The following COL22A1 variants were observed in gnomAD, a reference collection of about 807,000 sequenced individuals.
COL22A1 encodes collagen type XXII alpha 1 chain.
Under a neutral mutation model 248.9 loss-of-function variants are expected in COL22A1, and 221 were observed. The ratio of observed to expected loss-of-function variants is 0.89; its 90% CI spans 0.80 to 0.99. The LOEUF (loss-of-function observed/expected upper bound fraction) is 0.99. Among genes scored for constraint, COL22A1 ranks in the 50% least tolerant of loss-of-function variants. The pLI, the probability that COL22A1 is intolerant of heterozygous loss-of-function variation, is 0.00. For synonymous variants in COL22A1, 891 were observed against 793.4 expected, an observed-to-expected ratio of 1.12 and a Z score of -2.07; for missense variants, 2,240 against 2,179.0, an observed-to-expected ratio of 1.03 and a Z score of -0.56.
chr8:138,592,438 G>T (rs773590895), intron 63 of COL22A1, among the ~76,000 whole-genome samples: 2 of 152,078 alleles, frequency 1.3e-5, no homozygotes, highest in African/African-American at 4.8e-5. Flanking sequence ...ATCGTGTTTG[G>T]TCAGTATTCT....
chr8:138,606,244 C>A, intron 58 of COL22A1, 137 bp downstream of exon 58: 1 of 756,410 alleles, frequency 1.3e-6, no homozygotes, highest in Non-Finnish European at 2.2e-6. Flanking sequence ...AACCATGATG[C>A]AACTTTGACC....
At position 138,663,012 on chromosome 8, in the gene COL22A1, T is replaced by TCTCACACACACACACACACACA. The variant is rs1554737802; in HGVS notation, c.3186+692_3186+693insTGTGTGTGTGTGTGTGTGTGAG. Among the ~76,000 whole-genome samples the TCTCACACACACACACACACACA allele has an allele frequency of 4.8e-4, 68 of 140,874 alleles. 1 individual carries two copies. The highest frequency in any genetic ancestry group is 1.3e-3 in the African/African-American group (52 of 38,776). 92.4% of individuals were successfully genotyped at this position (140,874 alleles called of 152,430 possible). On this transcript the variant is annotated intron_variant, in intron 42 of 64. Coordinates refer to ENST00000303045, the MANE Select transcript of COL22A1 (RefSeq NM_152888.3). ...GCCTGGTTGACAGAGCAGGACTCTG[T>TCTCACACACACACACACACACA]CACTCACACACACACACACACACAA...
chr8:138,685,412 G>T, intron 37 of COL22A1, 100 bp from the exon 38 acceptor site: 1 of 915,112 alleles, frequency 1.1e-6, no homozygotes, highest in Non-Finnish European at 1.7e-6. Flanking sequence ...TCCTGGGGCT[G>T]CCTTTATGAT....
intron 33 of COL22A1, 27 bp downstream of exon 33, chr8:138,694,799 C>A (rs137966383): frequency 3.1e-6 from 5 of 1,611,704 alleles, no homozygotes; most frequent in East Asian, 2.2e-5. Flanking sequence ...ACCAGCCCTG[C>A]GGGGGAAGGG....
At chr8:138,811,020 C>T (rs1265306928) in intron 9 of COL22A1, among the ~76,000 whole-genome samples, 2 of 152,156 alleles carry the variant, frequency 1.3e-5, no homozygotes, top group African/African-American at 4.8e-5. Flanking sequence ...AGACACTTTC[C>T]CCAGCACAGT....
At chr8:138,833,558 A>G (rs966695453) in intron 4 of COL22A1, among the ~76,000 whole-genome samples, 1 of 152,206 alleles carries the variant, frequency 6.6e-6, no homozygotes, top group Non-Finnish European at 1.5e-5. Flanking sequence ...CTGCAGCCGT[A>G]TGTTTGCCTT....
At chr8:138,622,322 A>G (rs1819872471) in intron 52 of COL22A1, among the ~76,000 whole-genome samples, 1 of 152,222 alleles carries the variant, frequency 6.6e-6, no homozygotes, top group Non-Finnish European at 1.5e-5. Context: ...ATTTCAAAAG[A>G]AACTGAAGCT....
rs79818481 is a variant in COL22A1 at position 138,610,855 on chromosome 8, G to A, written c.3979-2866C>T. Among the ~76,000 whole-genome samples, 945 of 152,278 alleles carry A rather than the reference G, an allele frequency of 6.2e-3. 12 individuals carry two copies. Among genetic ancestry groups the A allele is most frequent in the African/African-American group, 0.022 (910 of 41,554 alleles). On this transcript the variant is annotated intron_variant, in intron 56 of 64. Coordinates refer to ENST00000303045, the MANE Select transcript of COL22A1 (RefSeq NM_152888.3). Reference sequence around the variant, plus strand: ...GAGATGGGAGGACTGCCTGAGCCCAGGAATCTGAGACCAACTTGGACAACA... The same window carrying A: ...GAGATGGGAGGACTGCCTGAGCCCAAGAATCTGAGACCAACTTGGACAACA...
In COL22A1 at chr8:138,878,307, C is replaced by T. The variant is rs1212728913; in HGVS notation, c.101G>A (p.Ser34Asn). Reference protein sequence around the residue: ...GCQAQRAGCKSVHYDLVFLLD... With the variant: ...GCQAQRAGCKNVHYDLVFLLD... ...GAGGAAGACCAGATCGTAGTGGACACTTTTGCAACCTGCAGGGGTGAGAGA... is the reference window on the plus strand; with the variant it reads ...GAGGAAGACCAGATCGTAGTGGACATTTTTGCAACCTGCAGGGGTGAGAGA... Residue 34 changes from serine (S) to asparagine (N), a missense_variant, in exon 3 of 65, where the codon AGT becomes AAT. Ser to Asn is a conservative substitution (Grantham distance 46). Transcript: ENST00000303045. The T allele has an allele frequency of 5.8e-6, 9 of 1,544,266 alleles. No homozygotes were observed. Among genetic ancestry groups the T allele is most frequent in the Non-Finnish European group, 7.9e-6 (9 of 1,142,724 alleles).
intron 50 of COL22A1, among the ~76,000 whole-genome samples, chr8:138,628,484 C>T (rs1411788214): frequency 6.6e-6 from 1 of 152,070 alleles, no homozygotes; most frequent in Non-Finnish European, 1.5e-5. Context: ...TGCAGTGAGC[C>T]AAGATCGTGC....
intron 3 of COL22A1, among the ~76,000 whole-genome samples, chr8:138,854,198 A>C (rs1821844492): frequency 6.6e-6 from 1 of 152,130 alleles, no homozygotes; most frequent in African/African-American, 2.4e-5. Context: ...GGTTATGATC[A>C]TTAGGCTGAT....
Position 138,596,777 on chromosome 8 carries a change from T to G in COL22A1, c.4432+127A>C, listed in dbSNP as rs139527051. The G allele has an allele frequency of 2.0e-5, 16 of 795,828 alleles. No homozygotes were observed. The South Asian group carries it at 2.1e-4, about 10-fold the overall frequency. The allele number at this position is 795,828 out of a possible 1,614,324, so 49.3% of individuals were successfully genotyped here. On this transcript the variant is annotated intron_variant, in intron 62 of 64. Transcript: ENST00000303045. ...TCTTCAGGGCATTCCCCAACCCTGA[T>G]AGTCTACACTTGAGCTGCCGGTCAA...
At chr8:138,693,500 T>G in intron 35 of COL22A1, 146 bp downstream of exon 35, 1 of 760,730 alleles carries the variant, frequency 1.3e-6, no homozygotes, top group South Asian at 1.6e-5. Flanking sequence ...CCGTGCTGAC[T>G]CCCACCAACC....
intron 5 of COL22A1, chr8:138,828,126 T>TCCCTGC (rs3074101): frequency 0.55 from 83,659 of 151,316 alleles, 23,615 homozygotes; most frequent in East Asian, 0.67. Flanking sequence ...AGCACCCAAG[T>TCCCTGC]AGCACGGCAG....
chr8:138,600,918 C>T (rs1037155341), intron 60 of COL22A1, among the ~76,000 whole-genome samples: 1 of 152,200 alleles, frequency 6.6e-6, no homozygotes, highest in African/African-American at 2.4e-5. Context: ...CATTAAATAT[C>T]TCACAATCAC....
intron 3 of COL22A1, among the ~76,000 whole-genome samples, chr8:138,870,933 G>A (rs1823291897): frequency 6.6e-6 from 1 of 151,838 alleles, no homozygotes; most frequent in Admixed American, 6.6e-5. Flanking sequence ...GTGTTTGTGT[G>A]TGTGGGTGTG....
intron 22 of COL22A1, among the ~76,000 whole-genome samples, chr8:138,743,968 C>T (rs1489898406): frequency 6.6e-6 from 1 of 152,128 alleles, no homozygotes; most frequent in Non-Finnish European, 1.5e-5. Flanking sequence ...CTAATATGTG[C>T]CGTATGGTCT....
chr8:138,865,725 G>C (rs368062839), intron 3 of COL22A1, among the ~76,000 whole-genome samples: 64 of 151,526 alleles, frequency 4.2e-4, no homozygotes, highest in African/African-American at 1.4e-3. Flanking sequence ...GTGTATGTGT[G>C]TGTGTGTTTG....
chr8:138,635,900 G>C (rs1014259697), intron 48 of COL22A1, among the ~76,000 whole-genome samples: 2 of 152,176 alleles, frequency 1.3e-5, no homozygotes, highest in African/African-American at 4.8e-5. Context: ...TGGGTTACTC[G>C]TTCATGTCCC....
Sources: allele counts gnomAD v4.1 joint callset (sites outside exome capture counted in the v4.1 genomes callset), GRCh38; gene constraint gnomAD v4.1.1; transcripts MANE v1.5; gene names NCBI Gene and HGNC (gene_info 2026-07-23, HGNC 2026-07-21).